Variants in USH2A observed in about 807,000 individuals in gnomAD.
The protein encoded by USH2A is Usher syndrome 2A (autosomal recessive, mild).
Under a neutral mutation model 538.9 loss-of-function variants are expected in USH2A, and 443 were observed. The ratio of observed to expected loss-of-function variants is 0.82; its 90% CI spans 0.76 to 0.89. The LOEUF is 0.89. Ranked by LOEUF, USH2A falls within the 40% of genes least tolerant of loss-of-function variation. USH2A has a pLI of 0.00. For missense variants in USH2A, 6,633 were observed against 6,324.8 expected, an observed-to-expected ratio of 1.05 and a Z score of -1.65; for synonymous variants, 2,413 against 2,273.5, an observed-to-expected ratio of 1.06 and a Z score of -1.75.
rs771821224 is a variant in USH2A at position 215,878,775 on chromosome 1, T to G, written c.8547A>C (p.Gly2849=). Residue 2849 remains glycine, a synonymous_variant, in exon 42 of 72, where the codon GGA becomes GGC. Coordinates refer to ENST00000307340, the MANE Select transcript of USH2A (RefSeq NM_206933.4). ...TCACCTTCTCTTACCTCAAATTAGG[T>G]CCATTTGGCTTGGATGGTGGTTGCC... ...ISWQPPSKPN[G]PNLRYELLRR... 1 of 1,613,966 alleles carries G rather than the reference T, an allele frequency of 6.2e-7. No homozygotes were observed. The highest frequency in any genetic ancestry group is 8.5e-7 in the Non-Finnish European group (1 of 1,179,918).
chr1:215,691,867 T>C (rs1320134612), intron 61 of USH2A, among the ~76,000 whole-genome samples: 4 of 152,120 alleles, frequency 2.6e-5, no homozygotes, highest in Non-Finnish European at 4.4e-5. Flanking sequence ...GTCTAAGAAG[T>C]AGACTTGAAT....
intron 29 of USH2A, 124 bp downstream of exon 29, chr1:216,072,765 G>C: frequency 1.1e-6 from 1 of 920,902 alleles, no homozygotes. Flanking sequence ...TCAAACCAAG[G>C]CATGCTCTGT....
chr1:216,075,658 T>C (rs1466665928), intron 27 of USH2A, among the ~76,000 whole-genome samples: 1 of 152,186 alleles, frequency 6.6e-6, no homozygotes, highest in East Asian at 1.9e-4. Context: ...GGCAGAGCAT[T>C]GCCTGTGAGA....
chr1:216,007,009 C>G (rs1046383575), intron 32 of USH2A, among the ~76,000 whole-genome samples: 1 of 152,112 alleles, frequency 6.6e-6, no homozygotes, highest in Admixed American at 6.5e-5. Context: ...ATAATTGAAT[C>G]ATGGGGGCAG....
At chr1:216,355,186 T>A (rs1051908698) in intron 4 of USH2A, among the ~76,000 whole-genome samples, 3 of 151,458 alleles carry the variant, frequency 2.0e-5, no homozygotes, top group Non-Finnish European at 4.4e-5. Context: ...ACCTGTAATC[T>A]CAGCTACTCG....
intron 10 of USH2A, 87 bp downstream of exon 10, chr1:216,292,088 T>G: frequency 7.1e-7 from 1 of 1,410,204 alleles, no homozygotes; most frequent in South Asian, 1.2e-5. Context: ...TTAAATAAGA[T>G]AGCAATAACA....
At chr1:216,332,820 T>C (rs1299260983) in intron 4 of USH2A, among the ~76,000 whole-genome samples, 1 of 152,046 alleles carries the variant, frequency 6.6e-6, no homozygotes, top group Non-Finnish European at 1.5e-5. Context: ...ACAGTAGTAA[T>C]AGTGACAAAT....
intron 16 of USH2A, among the ~76,000 whole-genome samples, chr1:216,206,942 T>G (rs1375483402): frequency 6.6e-6 from 1 of 152,202 alleles, no homozygotes; most frequent in Non-Finnish European, 1.5e-5. Context: ...TAACAAATTA[T>G]TGTACATGAA....
At position 215,887,011 on chromosome 1, in the gene USH2A, C is replaced by T. The variant is rs377056021; in HGVS notation, c.8223+1415G>A. ...TAGCTGGGACTATAGGTGCCCGCCACCAAGCCTGGCTAATTTTTTGTATTT... is the reference window on the plus strand; with the variant it reads ...TAGCTGGGACTATAGGTGCCCGCCATCAAGCCTGGCTAATTTTTTGTATTT... On this transcript the variant is annotated intron_variant, in intron 41 of 71. Coordinates refer to ENST00000307340, the MANE Select transcript of USH2A (RefSeq NM_206933.4). Among the ~76,000 whole-genome samples the T allele has an allele frequency of 9.1e-4, 138 of 152,214 alleles. 2 individuals are homozygous for T. In the South Asian group the frequency reaches 0.028, roughly 30 times the overall value.
intron 35 of USH2A, among the ~76,000 whole-genome samples, chr1:215,982,005 T>C (rs1374274692): frequency 6.6e-6 from 1 of 152,234 alleles, no homozygotes; most frequent in African/African-American, 2.4e-5. Context: ...TTTACGTAAG[T>C]AATCATTCAA....
At chr1:216,156,721 AC>A (rs989528668) in intron 21 of USH2A, among the ~76,000 whole-genome samples, 1 of 152,180 alleles carries the variant, frequency 6.6e-6, no homozygotes, top group Non-Finnish European at 1.5e-5. Flanking sequence ...ACCAAAAGAA[AC>A]TATCCACAGA....
At chr1:215,640,411 T>C in intron 68 of USH2A, 147 bp downstream of exon 68, 1 of 1,010,418 alleles carries the variant, frequency 9.9e-7, no homozygotes, top group South Asian at 1.4e-5. Flanking sequence ...TTATTTATCC[T>C]GAGCAGTAAC....
intron 52 of USH2A, among the ~76,000 whole-genome samples, chr1:215,784,300 T>A (rs1484398368): frequency 6.6e-6 from 1 of 152,224 alleles, no homozygotes; most frequent in Admixed American, 6.5e-5. Flanking sequence ...TTCTGGATTC[T>A]GGATACCTGA....
intron 49 of USH2A, among the ~76,000 whole-genome samples, chr1:215,804,593 C>T (rs1438203472): frequency 6.8e-6 from 1 of 147,786 alleles, no homozygotes; most frequent in Non-Finnish European, 1.5e-5. Context: ...GATACTATCT[C>T]ACACCAGTTA....
intron 40 of USH2A, among the ~76,000 whole-genome samples, chr1:215,896,386 T>C (rs1003697095): frequency 5.9e-5 from 9 of 152,130 alleles, no homozygotes; most frequent in Non-Finnish European, 1.2e-4. Context: ...GTGTATGCCA[T>C]ATATGTTTGT....
Position 216,325,286 on chromosome 1 carries a change from C to T in USH2A, c.1143+19G>A. On this transcript the variant is annotated intron_variant, in intron 6 of 71. Coordinates refer to ENST00000307340, the MANE Select transcript of USH2A (RefSeq NM_206933.4). ...AATAACCACAGGAAATTAATGTACA[C>T]CTTATCGTTTCTCATTACCTGATAC... 2 of 1,612,534 alleles carry T rather than the reference C, an allele frequency of 1.2e-6. No individual in the cohort carries two copies. Among genetic ancestry groups the T allele is most frequent in the Non-Finnish European group, 1.7e-6 (2 of 1,179,370 alleles).
intron 21 of USH2A, among the ~76,000 whole-genome samples, chr1:216,113,862 T>C (rs1225451025): frequency 1.3e-5 from 2 of 151,914 alleles, no homozygotes; most frequent in East Asian, 1.9e-4. Flanking sequence ...TTTCTGTATT[T>C]TTATATTTAA....
intron 50 of USH2A, among the ~76,000 whole-genome samples, chr1:215,798,530 A>G (rs1662206216): frequency 5.3e-5 from 8 of 152,148 alleles, no homozygotes; most frequent in Admixed American, 5.2e-4. Flanking sequence ...TGTTATTTAT[A>G]TTAGTGTTAG....
chr1:216,416,519 G>T (rs1370677061), intron 3 of USH2A, among the ~76,000 whole-genome samples: 2 of 152,078 alleles, frequency 1.3e-5, no homozygotes, highest in African/African-American at 4.8e-5. Flanking sequence ...AAACAGTTAT[G>T]AAATAAAGCA....
Sources: allele counts gnomAD v4.1 joint callset (sites outside exome capture counted in the v4.1 genomes callset), GRCh38; gene constraint gnomAD v4.1.1; transcripts MANE v1.5; gene names NCBI Gene and HGNC (gene_info 2026-07-23, HGNC 2026-07-21).